Variants in FAAH2 observed in about 807,000 individuals in gnomAD.
The protein encoded by FAAH2 is fatty-acid amide hydrolase 2.
A neutral mutation model predicts 36.9 loss-of-function variants in FAAH2; 60 were observed. That is an observed-to-expected ratio of 1.63 (90% CI 1.32 to 2.02). The LOEUF is 2.02. Ranked by LOEUF, FAAH2 falls within the 30% of genes most tolerant of loss-of-function variation. The pLI is 0.00. For synonymous variants in FAAH2, 214 were observed against 143.8 expected (o/e 1.49, Z -3.49); for missense variants, 689 against 397.5 (o/e 1.73, Z -6.23).
chrX:57,350,290 T>G (rs1280379252), intron 5 of FAAH2, among the ~76,000 whole-genome samples: 2 of 110,282 alleles, frequency 1.8e-5, no homozygotes, highest in African/African-American at 3.3e-5. Context: ...ACATTAACCA[T>G]TATGAAAACA....
chrX:57,127,560 T>TA, the FAAH2 span, among the ~76,000 whole-genome samples: 5 of 111,925 alleles, frequency 4.5e-5, no homozygotes, highest in Middle Eastern at 4.6e-3. Flanking sequence ...CTTATGAGAA[T>TA]AAAAAATAAC....
chrX:57,321,401 C>A (rs1345900069), intron 3 of FAAH2, among the ~76,000 whole-genome samples: 1 of 109,047 alleles, frequency 9.2e-6, no homozygotes, highest in Non-Finnish European at 1.9e-5. Context: ...TGCAGCAAAC[C>A]ACTATTGCAC....
At chrX:57,296,876 A>C (rs775561430) in intron 2 of FAAH2, among the ~76,000 whole-genome samples, 26 of 111,589 alleles carry the variant, frequency 2.3e-4, no homozygotes, top group Non-Finnish European at 4.7e-4. Context: ...CAAATGAATG[A>C]AATGAAGCGA....
chrX:57,228,578 C>T, the FAAH2 span, among the ~76,000 whole-genome samples: 1 of 111,253 alleles, frequency 9.0e-6, no homozygotes, highest in East Asian at 2.8e-4. Flanking sequence ...TCTGTTATTG[C>T]AGTCGATCTG....
At chrX:57,174,269 A>T in the FAAH2 span, among the ~76,000 whole-genome samples, 1 of 105,540 alleles carries the variant, frequency 9.5e-6, no homozygotes, top group Admixed American at 1.0e-4. Context: ...AGTCTCACTG[A>T]TTATTATTGG....
At chrX:57,479,658 C>A (rs1370088943) in intron 10 of FAAH2, among the ~76,000 whole-genome samples, 2 of 111,254 alleles carry the variant, frequency 1.8e-5, no homozygotes, top group Non-Finnish European at 3.8e-5. Context: ...TGAGATACGT[C>A]CCATCAATAC....
At chrX:57,340,972 AT>A (rs1238541017) in intron 4 of FAAH2, among the ~76,000 whole-genome samples, 5 of 111,569 alleles carry the variant, frequency 4.5e-5, no homozygotes, top group Non-Finnish European at 7.5e-5. Context: ...AAAAAAAAAA[AT>A]AAGAACTCTT....
rs1602336406 is a variant in FAAH2, at chrX:57,341,493, T to C, written c.742+103T>C. 4.3e-6 allele frequency: 4 copies of C among 932,936 alleles called. No homozygotes were observed. The East Asian group carries it at 1.3e-4, about 31-fold the overall frequency. The allele number at this position is 932,936 out of a possible 1,213,427, so 76.9% of individuals were successfully genotyped here. A position where few individuals can be genotyped will look rare whatever the true frequency, so the allele number is the denominator to read the frequency against. ...ATCTTGCTTATCAGGGTGATTATTA[T>C]ATATTTCTCAATGTTCTTAAATAAA... On this transcript the variant is annotated intron_variant, in intron 5 of 10. Coordinates refer to ENST00000374900, the MANE Select transcript of FAAH2 (RefSeq NM_174912.4).
At chrX:57,364,423 G>C (rs1470753008) in intron 5 of FAAH2, among the ~76,000 whole-genome samples, 3 of 98,118 alleles carry the variant, frequency 3.1e-5, no homozygotes, top group Non-Finnish European at 6.1e-5. Context: ...ACTTCTGCTT[G>C]TGCTTATTTG....
chrX:57,266,985 G>T, the FAAH2 span, among the ~76,000 whole-genome samples: 25 of 112,176 alleles, frequency 2.2e-4, no homozygotes, highest in African/African-American at 8.1e-4. Flanking sequence ...TCCCACCTGA[G>T]CACTCCTTGG....
chrX:57,251,652 C>T, the FAAH2 span, among the ~76,000 whole-genome samples: 2 of 111,834 alleles, frequency 1.8e-5, no homozygotes, highest in Admixed American at 9.5e-5. Flanking sequence ...AGCTGCTGAA[C>T]AAAAAATCAG....
chrX:57,470,326 A>C (rs1264329892), intron 10 of FAAH2, among the ~76,000 whole-genome samples: 1 of 111,500 alleles, frequency 9.0e-6, no homozygotes, highest in East Asian at 2.8e-4. Context: ...TTTTTTGAAA[A>C]GATCAACAAA....
chrX:57,287,050 C>G (rs765613343), intron 1 of FAAH2, 33 bp downstream of exon 1: 13 of 1,119,394 alleles, frequency 1.2e-5, no homozygotes, highest in Non-Finnish European at 1.5e-5. Context: ...GCTGGAGGGA[C>G]AGGTCTTTTA....
intron 7 of FAAH2, among the ~76,000 whole-genome samples, chrX:57,409,843 T>A (rs1050840508): frequency 2.0e-4 from 22 of 110,841 alleles, no homozygotes; most frequent in African/African-American, 6.2e-4. Context: ...TTCAGTTTTT[T>A]AAAAAAAATC....
At chrX:57,202,339 C>T in the FAAH2 span, among the ~76,000 whole-genome samples, 51 of 112,115 alleles carry the variant, frequency 4.5e-4, no homozygotes, top group South Asian at 6.7e-3. Context: ...TCTTTATCTG[C>T]TTTGTGGGGC....
the FAAH2 span, among the ~76,000 whole-genome samples, chrX:57,160,726 T>C: frequency 7.1e-5 from 8 of 112,280 alleles, no homozygotes; most frequent in East Asian, 2.2e-3. Context: ...TTGATTCTTC[T>C]CTCCTTTAAT....
At chrX:57,337,829 C>T (rs941782963) in intron 4 of FAAH2, among the ~76,000 whole-genome samples, 2 of 111,996 alleles carry the variant, frequency 1.8e-5, no homozygotes, top group South Asian at 3.7e-4. Context: ...GAAGCATTCT[C>T]CTTGAAAACC....
intron 2 of FAAH2, among the ~76,000 whole-genome samples, chrX:57,297,363 AGT>A (rs1363556569): frequency 1.8e-5 from 2 of 110,310 alleles, no homozygotes; most frequent in Non-Finnish European, 3.8e-5. Flanking sequence ...AAGCTTCATA[AGT>A]GCAGGAGAAA....
intron 1 of FAAH2, among the ~76,000 whole-genome samples, chrX:57,287,349 C>T (rs1369646323): frequency 9.0e-6 from 1 of 110,992 alleles, no homozygotes; most frequent in Non-Finnish European, 1.9e-5. Context: ...CTCTCTTTCT[C>T]TCTCCCTCTC....
Sources: gnomAD v4.1 joint callset for allele counts (sites outside exome capture counted in the v4.1 genomes callset) on GRCh38, gnomAD v4.1.1 for gene constraint, MANE v1.5 for transcripts, NCBI Gene and HGNC (gene_info 2026-07-23, HGNC 2026-07-21) for gene names.